RTKN2: variants seen among roughly 807,000 people sequenced by gnomAD.
The protein encoded by RTKN2 is rhotekin 2.
RTKN2 carries 69 observed loss-of-function variants against 71.5 expected under a neutral mutation model. That is an observed-to-expected ratio of 0.96 (90% CI 0.79 to 1.18). The LOEUF is 1.18. RTKN2 is among the 50% of genes most tolerant of loss of function. The pLI is 0.00. For missense variants in RTKN2, 724 were observed against 719.7 expected, an observed-to-expected ratio of 1.01 and a Z score of -0.07; for synonymous variants, 236 against 236.5, an observed-to-expected ratio of 1.00 and a Z score of 0.02.
At chr10:62,208,844 T>C (rs1162418773) in intron 9 of RTKN2, among the ~76,000 whole-genome samples, 3 of 152,230 alleles carry the variant, frequency 2.0e-5, no homozygotes, top group Non-Finnish European at 4.4e-5. Flanking sequence ...TCTAAAACAA[T>C]GCTCATCAGT....
At chr10:62,241,328 C>T in intron 3 of RTKN2, 133 bp from the exon 4 acceptor site, 1 of 559,960 alleles carries the variant, frequency 1.8e-6, no homozygotes, top group South Asian at 2.4e-5. Flanking sequence ...TTTAACAGCA[C>T]ATTTTCTAGA....
chr10:62,195,246 AAC>A lies in RTKN2; in HGVS notation c.*2660_*2661del, dbSNP rs1437269633. The A allele has an allele frequency of 1.0e-6, 1 of 981,106 alleles. No homozygotes were observed. The highest frequency in any genetic ancestry group is 1.2e-6 in the Non-Finnish European group (1 of 826,144). 60.8% of individuals were successfully genotyped at this position (981,106 alleles called of 1,614,324 possible). Reference sequence around the variant, plus strand: ...ATTATATTATCAAGAGCTGACAGCTAACTCTTTGTTTCAAGTTTATAGTCTTC... The same window carrying A: ...ATTATATTATCAAGAGCTGACAGCTATCTTTGTTTCAAGTTTATAGTCTTC... On this transcript the variant is annotated 3_prime_UTR_variant, in exon 12 of 12. Coordinates refer to ENST00000373789, the MANE Select transcript of RTKN2 (RefSeq NM_145307.4).
chr10:62,236,765 C>T (rs530502785), intron 5 of RTKN2, among the ~76,000 whole-genome samples: 73 of 152,088 alleles, frequency 4.8e-4, no homozygotes, highest in Admixed American at 8.5e-4. Flanking sequence ...TGTATACACA[C>T]ACACAACGGA....
chr10:62,250,244 A>G (rs1842554568), intron 2 of RTKN2, among the ~76,000 whole-genome samples: 1 of 152,232 alleles, frequency 6.6e-6, no homozygotes, highest in Non-Finnish European at 1.5e-5. Flanking sequence ...CAGGAGAGGT[A>G]AAAGAAAGGG....
At chr10:62,250,931 T>C (rs1286442467) in intron 2 of RTKN2, among the ~76,000 whole-genome samples, 1 of 152,184 alleles carries the variant, frequency 6.6e-6, no homozygotes, top group Admixed American at 6.5e-5. Flanking sequence ...GTGCCTGGCC[T>C]AACAATTCAT....
Position 62,196,507 on chromosome 10 carries a change from GA to G in RTKN2, c.*1400del, listed in dbSNP as rs2132784054. ...ATAAATGGAAAAGACCCCGCTATCT[GA>G]AAATAATGAAAGGCTCCATTTAAAT... On this transcript the variant is annotated 3_prime_UTR_variant, in exon 12 of 12. Coordinates refer to ENST00000373789, the MANE Select transcript of RTKN2 (RefSeq NM_145307.4). 1.0e-6 allele frequency: 1 copy of G among 985,280 alleles called. No individual in the cohort carries two copies. Among genetic ancestry groups the G allele is most frequent in the African/African-American group, 1.7e-5 (1 of 57,354 alleles). 61.0% of individuals were successfully genotyped at this position (985,280 alleles called of 1,614,324 possible).
chr10:62,192,486 C>G (rs7068294), downstream of RTKN2, among the ~76,000 whole-genome samples: 50,239 of 152,018 alleles, frequency 0.33, 9,451 homozygotes, highest in African/African-American at 0.52. Flanking sequence ...TCACACCCAT[C>G]ATTACATTGC....
In RTKN2 at chr10:62,241,150, T is replaced by C. The variant is rs1331317486; in HGVS notation, c.362A>G (p.Asn121Ser). Residue 121 changes from asparagine (N) to serine (S), a missense_variant, in exon 4 of 12, where the codon AAT (asparagine) becomes AGT (serine). Transcript: ENST00000373789. ...ATTAAAATCATACATACGTTCTTTA[T>C]TGCTGAAGTGATCAGAGTCTTTCCA... is the stretch of plus-strand genomic sequence containing the variant. The part of the protein sequence containing the change: ...LMWKDSDHFS[N>S]KERSRRYAIF... 1.9e-6 allele frequency: 3 copies of C among 1,545,750 alleles called. No individual in the cohort carries two copies. The highest frequency in any genetic ancestry group is 2.7e-6 in the Non-Finnish European group (3 of 1,124,242).
chr10:62,235,623 T>C (rs1021200283), intron 6 of RTKN2, among the ~76,000 whole-genome samples: 7 of 151,914 alleles, frequency 4.6e-5, no homozygotes, highest in African/African-American at 1.7e-4. Flanking sequence ...AACAAAATTA[T>C]TAAAAATATC....
chr10:62,201,541 T>C (rs1386103806), intron 10 of RTKN2, among the ~76,000 whole-genome samples: 4 of 152,064 alleles, frequency 2.6e-5, no homozygotes, highest in Non-Finnish European at 4.4e-5. Flanking sequence ...TAGATAAATA[T>C]ATAAGAGCCA....
chr10:62,225,520 C>T (rs1172067027), intron 6 of RTKN2, among the ~76,000 whole-genome samples: 2 of 152,186 alleles, frequency 1.3e-5, no homozygotes, highest in East Asian at 3.8e-4. Context: ...ACTTTAGCAT[C>T]CAACTTTTTT....
At position 62,268,657 on chromosome 10, in the gene RTKN2, A is replaced by G; in HGVS notation, c.-47T>C. On this transcript the variant is annotated 5_prime_UTR_variant, in exon 1 of 12. Coordinates refer to ENST00000373789, the MANE Select transcript of RTKN2 (RefSeq NM_145307.4). ...CCGTCGCCACTCCTTCAAAGGGAAG[A>G]TTTGAAAAGCCCGCCCCTGGCAGGA... 1 of 1,534,002 alleles carries G rather than the reference A, an allele frequency of 6.5e-7. No homozygotes were observed. The highest frequency in any genetic ancestry group is 1.2e-5 in the South Asian group (1 of 83,408).
intron 6 of RTKN2, among the ~76,000 whole-genome samples, chr10:62,223,693 G>A (rs1408876562): frequency 1.3e-5 from 2 of 152,128 alleles, no homozygotes; most frequent in Non-Finnish European, 2.9e-5. Context: ...GCTGGTATGT[G>A]GAGAAACTAA....
chr10:62,250,098 G>A (rs573516841), intron 2 of RTKN2, among the ~76,000 whole-genome samples: 92 of 152,306 alleles, frequency 6.0e-4, no homozygotes, highest in Middle Eastern at 3.4e-3. Context: ...ATCTGAAACC[G>A]TCAAAACCAG....
At chr10:62,227,256 T>C (rs865971650) in intron 6 of RTKN2, among the ~76,000 whole-genome samples, 1 of 152,138 alleles carries the variant, frequency 6.6e-6, no homozygotes, top group African/African-American at 2.4e-5. Flanking sequence ...TATATAATTG[T>C]ATCAAGCCCA....
chr10:62,202,766 T>C (rs1387615638), intron 10 of RTKN2, among the ~76,000 whole-genome samples: 2 of 152,230 alleles, frequency 1.3e-5, no homozygotes, highest in African/African-American at 4.8e-5. Flanking sequence ...ATCTAGAGAA[T>C]GAAAGCATGA....
At position 62,198,628 on chromosome 10, in the gene RTKN2, C is replaced by G. The variant is rs554187173; in HGVS notation, c.1295-185G>C. 2.0e-5 allele frequency among the ~76,000 whole-genome samples: 3 copies of G among 152,064 alleles called. No individual in the cohort carries two copies. The East Asian group carries it at 5.8e-4, about 29-fold the overall frequency. ...TAAAAAGATCATGCGCTGCACTAAT[C>G]ATACATTATATATGTAAACATACAC... On this transcript the variant is annotated intron_variant, in intron 11 of 11. Transcript: ENST00000373789.
chr10:62,190,887 T>G (rs1002275208), downstream of RTKN2, among the ~76,000 whole-genome samples: 2 of 152,176 alleles, frequency 1.3e-5, no homozygotes, highest in African/African-American at 4.8e-5. Context: ...TCATGCCTAC[T>G]TGTTTTACCT....
At chr10:62,250,157 A>G (rs1842552523) in intron 2 of RTKN2, among the ~76,000 whole-genome samples, 1 of 152,216 alleles carries the variant, frequency 6.6e-6, no homozygotes, top group African/African-American at 2.4e-5. Flanking sequence ...GCAAAACACA[A>G]GCAATATCAA....
Sources: gnomAD v4.1 joint callset for allele counts (sites outside exome capture counted in the v4.1 genomes callset) on GRCh38, gnomAD v4.1.1 for gene constraint, MANE v1.5 for transcripts, NCBI Gene and HGNC (gene_info 2026-07-23, HGNC 2026-07-21) for gene names.